Variants in OCIAD1 observed in about 807,000 individuals in gnomAD.
OCIAD1 encodes the protein OCIA domain containing 1.
Under a neutral mutation model 38.9 loss-of-function variants are expected in OCIAD1, and 29 were observed. The ratio of observed to expected loss-of-function variants is 0.74; its 90% CI spans 0.55 to 1.02. OCIAD1 has a LOEUF of 1.02. Among genes scored for constraint, OCIAD1 ranks in the 50% least tolerant of loss-of-function variants. OCIAD1 has a pLI of 0.00. For synonymous variants in OCIAD1, 110 were observed against 92.0 expected (o/e 1.20, Z -1.12); for missense variants, 288 against 289.6 (o/e 0.99, Z 0.04).
At chr4:48,818,289 A>C (rs1452486226) in intron 1 of OCIAD1, among the ~76,000 whole-genome samples, 1 of 152,196 alleles carries the variant, frequency 6.6e-6, no homozygotes, top group Non-Finnish European at 1.5e-5. Context: ...CAGGGTCTGG[A>C]GTGCACCTCC....
intron 6 of OCIAD1, among the ~76,000 whole-genome samples, chr4:48,851,230 C>A: frequency 6.6e-6 from 1 of 152,176 alleles, no homozygotes; most frequent in East Asian, 1.9e-4. Flanking sequence ...CAAGAACTTT[C>A]AAACATACTA....
At chr4:48,810,310 A>T (rs537300099) in intron 1 of OCIAD1, among the ~76,000 whole-genome samples, 19 of 151,822 alleles carry the variant, frequency 1.3e-4, no homozygotes, top group Admixed American at 4.6e-4. Flanking sequence ...TCTACTAAAA[A>T]CACAAAAAAT....
Position 48,815,055 on chromosome 4 carries a change from T to C in OCIAD1, c.-103+9725T>C, listed in dbSNP as rs560268552. 2.0e-5 allele frequency among the ~76,000 whole-genome samples: 3 copies of C among 152,362 alleles called. No individual in the cohort carries two copies. In the East Asian group the frequency reaches 5.8e-4, roughly 29 times the overall value. On this transcript the variant is annotated intron_variant, in intron 1 of 6. Transcript: ENST00000504654. ...GAGGCTGGGTGCAGTGGCTCACGCC[T>C]GTAATCTCAGCACTTTGGGAGGCTG...
At chr4:48,819,661 G>A (rs180991723) in intron 1 of OCIAD1, among the ~76,000 whole-genome samples, 13 of 125,902 alleles carry the variant, frequency 1.0e-4, no homozygotes, top group Non-Finnish European at 1.1e-4. Context: ...CCCATCTCAC[G>A]TGCAAAGACA....
chr4:48,852,876 T>TTTTTTGTTTTG (rs1779624644), intron 7 of OCIAD1, among the ~76,000 whole-genome samples: 1 of 136,726 alleles, frequency 7.3e-6, no homozygotes, highest in African/African-American at 2.8e-5. Context: ...TTTTTTTTTG[T>TTTTTTGTTTTG]TTTTTGTTTT....
intron 1 of OCIAD1, among the ~76,000 whole-genome samples, chr4:48,822,548 T>A (rs1777204776): frequency 6.6e-6 from 1 of 152,036 alleles, no homozygotes; most frequent in Non-Finnish European, 1.5e-5. Flanking sequence ...ACAAATGGGA[T>A]CTAATTAAAC....
chr4:48,834,618 G>T (rs1777814219), intron 3 of OCIAD1, among the ~76,000 whole-genome samples: 1 of 152,084 alleles, frequency 6.6e-6, no homozygotes, highest in African/African-American at 2.4e-5. Context: ...AAAAATGAAA[G>T]AAATTAGCTG....
chr4:48,840,941 G>A (rs920669693), intron 3 of OCIAD1, among the ~76,000 whole-genome samples: 29 of 152,078 alleles, frequency 1.9e-4, no homozygotes, highest in African/African-American at 4.1e-4. Context: ...CATCTGAGCC[G>A]GCAGGTTGAG....
At chr4:48,837,121 G>T (rs1778063373) in intron 3 of OCIAD1, 1 of 152,008 alleles carries the variant, frequency 6.6e-6, no homozygotes, top group South Asian at 2.1e-4. Context: ...ACAGGCGCCT[G>T]CCACCATACC....
At chr4:48,825,877 G>A (rs1354266865) in intron 1 of OCIAD1, among the ~76,000 whole-genome samples, 1 of 144,788 alleles carries the variant, frequency 6.9e-6, no homozygotes, top group Non-Finnish European at 1.5e-5. Flanking sequence ...TCACTCTGTT[G>A]CCCAGGCTGG....
At chr4:48,818,250 G>T (rs1777160861) in intron 1 of OCIAD1, among the ~76,000 whole-genome samples, 1 of 152,194 alleles carries the variant, frequency 6.6e-6, no homozygotes, top group African/African-American at 2.4e-5. Context: ...TTGTTGTTCT[G>T]CAGGCTCTAC....
At chr4:48,814,582 A>G (rs904587367) in intron 1 of OCIAD1, among the ~76,000 whole-genome samples, 2 of 152,148 alleles carry the variant, frequency 1.3e-5, no homozygotes, top group Non-Finnish European at 2.9e-5. Flanking sequence ...TTCCCCTTAA[A>G]AATAAACTTT....
At chr4:48,857,389 CTT>C (rs1400153966) in intron 8 of OCIAD1, 24 bp downstream of exon 8, 1 of 1,466,066 alleles carries the variant, frequency 6.8e-7, no homozygotes, top group Admixed American at 2.4e-5. Flanking sequence ...GTCTGAATCA[CTT>C]TACTGTTGAG....
At chr4:48,808,730 T>C (rs1166366530) in intron 1 of OCIAD1, among the ~76,000 whole-genome samples, 1 of 152,188 alleles carries the variant, frequency 6.6e-6, no homozygotes, top group Non-Finnish European at 1.5e-5. Context: ...ATGATATAAA[T>C]TTCTGTTTTT....
chr4:48,813,722 C>T (rs1346442334), intron 1 of OCIAD1, among the ~76,000 whole-genome samples: 2 of 152,204 alleles, frequency 1.3e-5, no homozygotes, highest in Non-Finnish European at 2.9e-5. Context: ...GGCCTGCAAA[C>T]TTCTAGCATT....
chr4:48,826,624 T>G (rs772128744), upstream of OCIAD1, among the ~76,000 whole-genome samples: 1 of 152,228 alleles, frequency 6.6e-6, no homozygotes, highest in Non-Finnish European at 1.5e-5. Context: ...AATATGCTAG[T>G]TACTCTGATT....
rs777223542 is a variant in OCIAD1, at chr4:48,833,456, C to T, written c.114C>T (p.Cys38=). 5.6e-6 allele frequency: 9 copies of T among 1,604,152 alleles called. No homozygotes were observed. The highest frequency in any genetic ancestry group is 5.0e-5 in the Admixed American group (3 of 59,748). The change falls in exon 3 of 9, where the codon TGC becomes TGT. Residue 38 remains cysteine (C), a synonymous_variant. Transcript: ENST00000264312. ...AAGAAAGGAGAGTCTTCGCAGAATG[C>T]AATGATGAAAGCTTCTGGTTCAGAT... ...TEEERRVFAE[C]NDESFWFRSV... is the part of the protein sequence containing the mutation.
chr4:48,814,324 CT>C (rs199781870), intron 1 of OCIAD1, among the ~76,000 whole-genome samples: 4,795 of 129,744 alleles, frequency 0.037, 78 homozygotes, highest in African/African-American at 0.058. Flanking sequence ...TTCAGAAAGC[CT>C]TTTTTTTTTT....
chr4:48,837,925 C>G (rs554303515), intron 3 of OCIAD1, among the ~76,000 whole-genome samples: 12 of 152,190 alleles, frequency 7.9e-5, no homozygotes, highest in African/African-American at 2.6e-4. Flanking sequence ...TGTCAGGATG[C>G]CCGTGTATAC....
Sources: allele counts gnomAD v4.1 joint callset (sites outside exome capture counted in the v4.1 genomes callset), GRCh38; gene constraint gnomAD v4.1.1; transcripts MANE v1.5; gene names NCBI Gene and HGNC (gene_info 2026-07-23, HGNC 2026-07-21).